Variants in PPP1R9A observed in about 807,000 individuals in gnomAD.
The protein encoded by PPP1R9A is neurabin-1.
A neutral mutation model predicts 141.9 loss-of-function variants in PPP1R9A; 59 were observed. The observed-to-expected ratio is 0.42, with a 90% CI of 0.34 to 0.52. The LOEUF is 0.52. Ranked by LOEUF, PPP1R9A falls within the 20% of genes least tolerant of loss-of-function variation. PPP1R9A has a pLI of 0.10. For synonymous variants in PPP1R9A, 500 were observed against 569.7 expected (o/e 0.88, Z 1.74); for missense variants, 1,444 against 1,611.9 (o/e 0.90, Z 1.78).
At chr7:95,135,695 G>C (rs547638346) in intron 4 of PPP1R9A, among the ~76,000 whole-genome samples, 8 of 149,894 alleles carry the variant, frequency 5.3e-5, no homozygotes, top group African/African-American at 2.0e-4. Flanking sequence ...CTATTATTTA[G>C]TATTCCTCTT....
chr7:95,164,741 C>CTTTTTTT (rs200177321), intron 5 of PPP1R9A, among the ~76,000 whole-genome samples: 4 of 66,130 alleles, frequency 6.0e-5, no homozygotes, highest in Non-Finnish European at 8.5e-5. Flanking sequence ...CTTTTCTTTT[C>CTTTTTTT]TTTTTTTTTT....
chr7:95,259,748 A>G (rs1177162202), intron 12 of PPP1R9A, among the ~76,000 whole-genome samples: 2 of 152,314 alleles, frequency 1.3e-5, no homozygotes, highest in African/African-American at 4.8e-5. Context: ...ATGGAAAGTC[A>G]TTAAAAGAAA....
At chr7:95,168,035 G>GA (rs1304953805) in intron 5 of PPP1R9A, among the ~76,000 whole-genome samples, 1 of 151,952 alleles carries the variant, frequency 6.6e-6, no homozygotes, top group Non-Finnish European at 1.5e-5. Flanking sequence ...CACAGAAATA[G>GA]AAAAAAGATC....
chr7:94,940,762 G>A (rs1795254501), intron 2 of PPP1R9A, among the ~76,000 whole-genome samples: 1 of 151,842 alleles, frequency 6.6e-6, no homozygotes, highest in Non-Finnish European at 1.5e-5. Flanking sequence ...TTGATTTCTG[G>A]TAGATTCATA....
chr7:95,072,739 T>C (rs1460911844), intron 2 of PPP1R9A, among the ~76,000 whole-genome samples: 1 of 108,814 alleles, frequency 9.2e-6, no homozygotes, highest in Non-Finnish European at 1.7e-5. Flanking sequence ...TTACATATAA[T>C]ATAATATATA....
intron 2 of PPP1R9A, among the ~76,000 whole-genome samples, chr7:95,092,370 A>T (rs1165989550): frequency 1.3e-5 from 2 of 149,338 alleles, no homozygotes; most frequent in African/African-American, 5.0e-5. Flanking sequence ...TTGATTAAAG[A>T]CTAGTTCTCT....
chr7:95,147,307 G>T (rs1827814739), intron 4 of PPP1R9A, among the ~76,000 whole-genome samples: 1 of 152,054 alleles, frequency 6.6e-6, no homozygotes, highest in Non-Finnish European at 1.5e-5. Flanking sequence ...GTCTATTATT[G>T]GTGTATAGGA....
chr7:95,179,080 C>T (rs77294962), intron 5 of PPP1R9A, among the ~76,000 whole-genome samples: 2,328 of 152,094 alleles, frequency 0.015, 21 homozygotes, highest in Non-Finnish European at 0.025. Flanking sequence ...AAAAAAGAAA[C>T]TGAAGACCAA....
At chr7:94,996,042 A>T (rs2151472474) in intron 2 of PPP1R9A, among the ~76,000 whole-genome samples, 1 of 152,308 alleles carries the variant, frequency 6.6e-6, no homozygotes, top group Non-Finnish European at 1.5e-5. Context: ...CACTAGTGAG[A>T]CAAAGTCCTT....
At chr7:95,010,384 A>G (rs1804245240) in intron 2 of PPP1R9A, among the ~76,000 whole-genome samples, 1 of 152,162 alleles carries the variant, frequency 6.6e-6, no homozygotes, top group Admixed American at 6.5e-5. Context: ...AGCCTGGGTA[A>G]CAGAGTGAGA....
chr7:95,258,009 T>G (rs1288880410), intron 12 of PPP1R9A, among the ~76,000 whole-genome samples: 6 of 152,208 alleles, frequency 3.9e-5, no homozygotes, highest in Non-Finnish European at 7.3e-5. Flanking sequence ...CAGCATGATT[T>G]ATAATCCTTT....
rs189487860 is a variant in PPP1R9A at position 95,004,041 on chromosome 7, G to A, written c.1395+92533G>A. ...TAAAGTTCTTGGATGTTACAGTGTG[G>A]TGGCATTTCTTGTCAGGAGAGAAGG... On this transcript the variant is annotated intron_variant, in intron 2 of 19. Transcript: ENST00000433360. 2.8e-4 allele frequency among the ~76,000 whole-genome samples: 43 copies of A among 152,150 alleles called. No individual in the cohort carries two copies. In the East Asian group the frequency reaches 8.1e-3, roughly 29 times the overall value.
intron 2 of PPP1R9A, among the ~76,000 whole-genome samples, chr7:95,008,130 A>C (rs899828588): frequency 1.3e-5 from 2 of 152,140 alleles, no homozygotes; most frequent in African/African-American, 4.8e-5. Flanking sequence ...TGTAAAATTG[A>C]AATAATGTCT....
At chr7:94,951,685 A>G (rs917529733) in intron 2 of PPP1R9A, among the ~76,000 whole-genome samples, 4 of 151,826 alleles carry the variant, frequency 2.6e-5, no homozygotes, top group South Asian at 2.1e-4. Context: ...CCTTCCTCCT[A>G]CTGTCCTTCT....
chr7:94,925,835 A>G (rs992771187), intron 2 of PPP1R9A, among the ~76,000 whole-genome samples: 26 of 151,340 alleles, frequency 1.7e-4, no homozygotes, highest in African/African-American at 5.6e-4. Context: ...TATTATTTTT[A>G]TTATATTTCG....
At chr7:94,985,076 T>C (rs1248924472) in intron 2 of PPP1R9A, among the ~76,000 whole-genome samples, 1 of 152,238 alleles carries the variant, frequency 6.6e-6, no homozygotes, top group Non-Finnish European at 1.5e-5. Context: ...ATTTCTGCCT[T>C]CATTTTGTTA....
chr7:95,231,937 A>AGG (rs1796016569), intron 8 of PPP1R9A, among the ~76,000 whole-genome samples: 1 of 152,126 alleles, frequency 6.6e-6, no homozygotes, highest in Non-Finnish European at 1.5e-5. Context: ...TGCAAAAGAT[A>AGG]AATGAAATAA....
chr7:95,146,738 A>G (rs761182053), intron 4 of PPP1R9A, among the ~76,000 whole-genome samples: 2 of 152,194 alleles, frequency 1.3e-5, no homozygotes, highest in Non-Finnish European at 2.9e-5. Flanking sequence ...TCTCAACACC[A>G]TTTATTAAAT....
chr7:94,952,785 T>C (rs1469399032), intron 2 of PPP1R9A, among the ~76,000 whole-genome samples: 1 of 151,926 alleles, frequency 6.6e-6, no homozygotes, highest in Non-Finnish European at 1.5e-5. Flanking sequence ...ATCCTTCACC[T>C]ACTTTTTGAT....
Sources: allele counts gnomAD v4.1 joint callset (sites outside exome capture counted in the v4.1 genomes callset), GRCh38; gene constraint gnomAD v4.1.1; transcripts MANE v1.5; gene names NCBI Gene and HGNC (gene_info 2026-07-23, HGNC 2026-07-21).